C10orf90: variants seen among roughly 807,000 people sequenced by gnomAD.
C10orf90 encodes the protein chromosome 10 open reading frame 90.
Under a neutral mutation model 62.5 loss-of-function variants are expected in C10orf90, and 56 were observed. That is an observed-to-expected ratio of 0.90 (90% CI 0.72 to 1.12). C10orf90 has a LOEUF of 1.12. C10orf90 is among the 50% of genes most tolerant of loss of function. C10orf90 has a pLI of 0.00. For missense variants in C10orf90, 970 were observed against 880.4 expected (o/e 1.10, Z -1.29); for synonymous variants, 386 against 340.4 (o/e 1.13, Z -1.47).
rs761359762 is a variant in C10orf90 at position 126,503,960 on chromosome 10, C to T, written c.1531G>A (p.Ala511Thr). ...SIHIPGWSYRAVHTKVFSGSS... is the reference protein window; with the variant it reads ...SIHIPGWSYRTVHTKVFSGSS... ...TGCAGATGGACGCACCACTCACCTG[C>T]CCTGTAACTCCAGCCAGGAATGTGA... The change falls in exon 4 of 10, where the codon GCA (alanine) becomes ACA (threonine). Residue 511 changes from alanine (A) to threonine (T), a missense_variant. Coordinates refer to ENST00000488181, the MANE Select transcript of C10orf90 (RefSeq NM_001350921.2). The T allele has an allele frequency of 6.2e-7, 1 of 1,608,522 alleles. No individual in the cohort carries two copies. The highest frequency in any genetic ancestry group is 8.5e-7 in the Non-Finnish European group (1 of 1,177,636).
At chr10:126,564,845 A>ATATATATTATATATAGTATATATTT (rs1341338317) in intron 2 of C10orf90, among the ~76,000 whole-genome samples, 1 of 18,218 alleles carries the variant, frequency 5.5e-5, no homozygotes, top group Non-Finnish European at 9.1e-5. Flanking sequence ...TATATATATT[A>ATATATATTATATATAGTATATATTT]TATATTATAT....
At chr10:126,487,741 C>T (rs1042562605) in intron 4 of C10orf90, among the ~76,000 whole-genome samples, 6 of 152,012 alleles carry the variant, frequency 3.9e-5, no homozygotes, top group Admixed American at 1.3e-4. Context: ...ATAAGATCTG[C>T]GTGCACAAGG....
chr10:126,426,425 A>G (rs1215488002), intron 8 of C10orf90, among the ~76,000 whole-genome samples: 1 of 152,240 alleles, frequency 6.6e-6, no homozygotes, highest in East Asian at 1.9e-4. Flanking sequence ...TAATCGTAAA[A>G]TGAAGGATTC....
At chr10:126,510,464 A>T (rs1863037829) in intron 3 of C10orf90, among the ~76,000 whole-genome samples, 1 of 152,248 alleles carries the variant, frequency 6.6e-6, no homozygotes, top group African/African-American at 2.4e-5. Context: ...TTAACGAAAC[A>T]TGTCTTTACA....
chr10:126,603,898 A>T (rs1845251830), intron 2 of C10orf90, among the ~76,000 whole-genome samples: 1 of 152,214 alleles, frequency 6.6e-6, no homozygotes, highest in African/African-American at 2.4e-5. Flanking sequence ...CATCAAGGCC[A>T]GCTTGACAGG....
intron 5 of C10orf90, among the ~76,000 whole-genome samples, chr10:126,462,982 G>C (rs1225259433): frequency 2.0e-5 from 3 of 152,094 alleles, no homozygotes; most frequent in African/African-American, 7.2e-5. Flanking sequence ...CATTTGCTCT[G>C]GTTCCTTCTG....
intron 3 of C10orf90, among the ~76,000 whole-genome samples, chr10:126,508,809 C>T (rs1862922114): frequency 6.6e-6 from 1 of 152,122 alleles, no homozygotes; most frequent in South Asian, 2.1e-4. Flanking sequence ...CTGTGGTCTC[C>T]AGTATCAAGA....
At chr10:126,624,732 G>A (rs758726122) in intron 2 of C10orf90, among the ~76,000 whole-genome samples, 15 of 152,154 alleles carry the variant, frequency 9.9e-5, no homozygotes, top group Non-Finnish European at 2.1e-4. Context: ...GTCACCTTTT[G>A]AATTTTTGCT....
At chr10:126,587,084 G>A (rs1034085358) in intron 2 of C10orf90, among the ~76,000 whole-genome samples, 4 of 152,132 alleles carry the variant, frequency 2.6e-5, no homozygotes, top group Non-Finnish European at 5.9e-5. Flanking sequence ...TTTCATACTT[G>A]TGTATGCTGG....
intron 1 of C10orf90, among the ~76,000 whole-genome samples, chr10:126,647,081 A>G (rs1395541833): frequency 6.6e-6 from 1 of 152,188 alleles, no homozygotes; most frequent in Admixed American, 6.5e-5. Flanking sequence ...AAACAAGCAG[A>G]ATGTATAGGA....
intron 2 of C10orf90, among the ~76,000 whole-genome samples, chr10:126,587,957 C>CTGAATCCAGGGAGGCAA (rs1251967406): frequency 6.6e-6 from 1 of 152,178 alleles, no homozygotes; most frequent in Non-Finnish European, 1.5e-5. Flanking sequence ...AGGAAGGGGG[C>CTGAATCCAGGGAGGCAA]TGAATCCAGG....
chr10:126,633,740 AC>A (rs1170359445), intron 2 of C10orf90, among the ~76,000 whole-genome samples: 1 of 152,104 alleles, frequency 6.6e-6, no homozygotes, highest in Non-Finnish European at 1.5e-5. Context: ...CCTCTTCCCA[AC>A]CTCTCTGCTT....
intron 2 of C10orf90, among the ~76,000 whole-genome samples, chr10:126,515,882 A>G (rs1019810274): frequency 6.6e-6 from 1 of 152,216 alleles, no homozygotes; most frequent in Non-Finnish European, 1.5e-5. Flanking sequence ...GCCTCCATCT[A>G]TGACTGCTAT....
At chr10:126,471,016 C>T (rs1345249683) in intron 4 of C10orf90, among the ~76,000 whole-genome samples, 1 of 152,182 alleles carries the variant, frequency 6.6e-6, no homozygotes, top group East Asian at 1.9e-4. Flanking sequence ...CAGCACATTT[C>T]TGTTCAATTT....
intron 7 of C10orf90, among the ~76,000 whole-genome samples, chr10:126,433,197 T>C (rs1303037787): frequency 6.6e-6 from 1 of 152,060 alleles, no homozygotes; most frequent in Non-Finnish European, 1.5e-5. Flanking sequence ...ACCCATTCAT[T>C]TGACAATTGT....
intron 2 of C10orf90, among the ~76,000 whole-genome samples, chr10:126,581,145 C>G (rs1215053404): frequency 2.0e-5 from 3 of 152,210 alleles, no homozygotes; most frequent in African/African-American, 4.8e-5. Context: ...TAGCTTAGAC[C>G]TTAGCTAGAT....
intron 2 of C10orf90, among the ~76,000 whole-genome samples, chr10:126,533,555 G>A (rs1376671646): frequency 1.3e-5 from 2 of 152,204 alleles, no homozygotes; most frequent in African/African-American, 4.8e-5. Context: ...TAGCAATTGG[G>A]TGATTGGGTG....
intron 4 of C10orf90, among the ~76,000 whole-genome samples, chr10:126,485,962 C>T (rs1861416495): frequency 6.8e-6 from 1 of 147,080 alleles, no homozygotes; most frequent in African/African-American, 2.6e-5. Context: ...AAAAAAAAAA[C>T]CTTAGAAATA....
At chr10:126,655,098 A>G (rs940201631) in intron 1 of C10orf90, among the ~76,000 whole-genome samples, 1 of 152,170 alleles carries the variant, frequency 6.6e-6, no homozygotes, top group Non-Finnish European at 1.5e-5. Context: ...AGGCAGGTGG[A>G]TCATGAGGTC....
Sources: allele counts gnomAD v4.1 joint callset (sites outside exome capture counted in the v4.1 genomes callset), GRCh38; gene constraint gnomAD v4.1.1; transcripts MANE v1.5; gene names NCBI Gene and HGNC (gene_info 2026-07-23, HGNC 2026-07-21).